LRP1B: variants seen among roughly 807,000 people sequenced by gnomAD.
LRP1B encodes the protein LDL receptor related protein 1B.
In LRP1B, 217 loss-of-function variants were observed where a neutral mutation model predicts 556.6. The ratio of observed to expected loss-of-function variants is 0.39; its 90% CI spans 0.35 to 0.44. The LOEUF (loss-of-function observed/expected upper bound fraction) is 0.44. Among genes scored for constraint, LRP1B ranks in the 20% least tolerant of loss-of-function variants. LRP1B has a pLI of 1.00. For synonymous variants in LRP1B, 2,047 were observed against 1,865.8 expected (o/e 1.10, Z -2.50); for missense variants, 5,053 against 5,620.8 (o/e 0.90, Z 3.23).
chr2:141,975,833 C>T lies in LRP1B; in HGVS notation c.82+154815G>A, dbSNP rs139550041. 2.7e-3 allele frequency among the ~76,000 whole-genome samples: 406 copies of T among 152,136 alleles called. 5 individuals are homozygous for T. Among genetic ancestry groups the T allele is most frequent in the Middle Eastern group, 0.014 (4 of 294 alleles). Reference sequence around the variant, plus strand: ...TGCTAAGTCCTTAGTCCAGGGAAACCGTAAAGTTTCTGTAGGTCAATGTTT... The same window carrying T: ...TGCTAAGTCCTTAGTCCAGGGAAACTGTAAAGTTTCTGTAGGTCAATGTTT... On this transcript the variant is annotated intron_variant, in intron 1 of 90. Coordinates refer to ENST00000389484, the MANE Select transcript of LRP1B (RefSeq NM_018557.3).
intron 82 of LRP1B, among the ~76,000 whole-genome samples, chr2:140,315,861 C>T (rs996980076): frequency 3.3e-5 from 5 of 152,032 alleles, no homozygotes; most frequent in Admixed American, 1.3e-4. Context: ...TCCTTATTAA[C>T]CATATATAAA....
intron 6 of LRP1B, among the ~76,000 whole-genome samples, chr2:141,199,224 C>A (rs1055211063): frequency 2.0e-5 from 3 of 152,142 alleles, no homozygotes; most frequent in Admixed American, 2.0e-4. Flanking sequence ...TCATCAATAT[C>A]TTTACCAACA....
chr2:140,600,935 C>T (rs1682641405), intron 42 of LRP1B, among the ~76,000 whole-genome samples: 1 of 151,000 alleles, frequency 6.6e-6, no homozygotes, highest in Non-Finnish European at 1.5e-5. Flanking sequence ...TACAATATAT[C>T]ATCAAACAGC....
intron 35 of LRP1B, among the ~76,000 whole-genome samples, chr2:140,750,072 GCACACGTACA>G (rs1249409515): frequency 7.3e-5 from 9 of 123,160 alleles, no homozygotes; most frequent in African/African-American, 1.7e-4. Flanking sequence ...TATATACTGT[GCACACGTACA>G]CACACACACA....
intron 2 of LRP1B, among the ~76,000 whole-genome samples, chr2:141,566,837 C>T (rs1686349440): frequency 6.6e-6 from 1 of 151,944 alleles, no homozygotes; most frequent in Admixed American, 6.6e-5. Flanking sequence ...CCAGCTTGGA[C>T]AAGAGACTGA....
chr2:141,337,839 T>C lies in LRP1B; in HGVS notation c.344-83198A>G, dbSNP rs781335980. On this transcript the variant is annotated intron_variant, in intron 3 of 90. Transcript: ENST00000389484. The stretch of plus-strand genomic sequence containing the variant: ...ATTGCTAAATATTTTTGAAAAACCA[T>C]CTAAAGTCTTTGACAAATAATGACA... Among the ~76,000 whole-genome samples, 69 of 152,200 alleles carry C rather than the reference T, an allele frequency of 4.5e-4. 1 individual carries two copies. Among genetic ancestry groups the C allele is most frequent in the Admixed American group, 5.2e-4 (8 of 15,282 alleles).
chr2:141,172,039 C>T (rs1001160581), intron 7 of LRP1B, among the ~76,000 whole-genome samples: 2 of 152,108 alleles, frequency 1.3e-5, no homozygotes, highest in African/African-American at 4.8e-5. Flanking sequence ...TTCATTGACT[C>T]TACTACTCCA....
intron 2 of LRP1B, among the ~76,000 whole-genome samples, chr2:141,754,053 T>C (rs953318577): frequency 2.0e-5 from 3 of 152,218 alleles, no homozygotes; most frequent in African/African-American, 7.2e-5. Context: ...CCCTGTACTA[T>C]TGAAAACATA....
chr2:141,201,331 T>C (rs1682006488), intron 6 of LRP1B, among the ~76,000 whole-genome samples: 1 of 152,188 alleles, frequency 6.6e-6, no homozygotes, highest in Non-Finnish European at 1.5e-5. Context: ...CACATCTTTT[T>C]ACAGCCTTGC....
intron 3 of LRP1B, among the ~76,000 whole-genome samples, chr2:141,404,893 T>G (rs1690577687): frequency 1.3e-5 from 2 of 152,112 alleles, no homozygotes; most frequent in Admixed American, 1.3e-4. Flanking sequence ...ATATGTTTTT[T>G]TTTTTTACCA....
At chr2:140,250,383 A>C (rs1041580207) in intron 86 of LRP1B, among the ~76,000 whole-genome samples, 1 of 151,866 alleles carries the variant, frequency 6.6e-6, no homozygotes, top group Non-Finnish European at 1.5e-5. Context: ...AGGTAGGTAG[A>C]TAAACAGATA....
chr2:141,806,373 T>C (rs561948786), intron 2 of LRP1B, among the ~76,000 whole-genome samples: 3 of 152,180 alleles, frequency 2.0e-5, no homozygotes, highest in South Asian at 4.1e-4. Context: ...CATTGCCTCA[T>C]AGAGCCTAAA....
At chr2:141,513,490 C>T (rs1307631754) in intron 2 of LRP1B, among the ~76,000 whole-genome samples, 1 of 151,982 alleles carries the variant, frequency 6.6e-6, no homozygotes, top group East Asian at 1.9e-4. Flanking sequence ...ATTCTATTGA[C>T]TTTTAGATGT....
intron 3 of LRP1B, among the ~76,000 whole-genome samples, chr2:141,291,044 T>A (rs1232147634): frequency 2.0e-5 from 3 of 152,188 alleles, no homozygotes; most frequent in Non-Finnish European, 2.9e-5. Context: ...GTAAAAAAAA[T>A]TTCTTCAAAA....
chr2:141,907,108 T>A (rs1699779643), intron 1 of LRP1B, among the ~76,000 whole-genome samples: 1 of 152,058 alleles, frequency 6.6e-6, no homozygotes, highest in Middle Eastern at 3.2e-3. Context: ...GGCATAAAAC[T>A]TGGGATATGA....
chr2:140,950,174 CTAAG>C (rs1695671173), intron 20 of LRP1B, 57 bp downstream of exon 20: 2 of 1,219,158 alleles, frequency 1.6e-6, no homozygotes, highest in African/African-American at 1.6e-5. Context: ...CTGTAATACC[CTAAG>C]TATTATTATG....
At chr2:140,259,386 G>A (rs1681832241) in intron 86 of LRP1B, among the ~76,000 whole-genome samples, 1 of 152,030 alleles carries the variant, frequency 6.6e-6, no homozygotes, top group Non-Finnish European at 1.5e-5. Context: ...TTGACTTACA[G>A]ATATTTAGTG....
At position 140,950,552 on chromosome 2, in the gene LRP1B, C is replaced by T. The variant is rs555185884; in HGVS notation, c.2969-150G>A. 1.3e-4 allele frequency: 70 copies of T among 525,224 alleles called. No individual in the cohort carries two copies. In the South Asian group the frequency reaches 2.0e-3, roughly 15 times the overall value. The allele number at this position is 525,224 out of a possible 1,614,324, so 32.5% of individuals were successfully genotyped here. A position where few individuals can be genotyped will look rare whatever the true frequency, so the allele number is the denominator to read the frequency against. ...AACCTGTAGTGCAGTGGCACTATCT[C>T]GGCTCACTGCAACTTTCACCTCCTG... is the stretch of plus-strand genomic sequence containing the variant. On this transcript the variant is annotated intron_variant, in intron 19 of 90. Transcript: ENST00000389484.
At chr2:141,451,569 A>G (rs924635994) in intron 3 of LRP1B, among the ~76,000 whole-genome samples, 2 of 152,178 alleles carry the variant, frequency 1.3e-5, no homozygotes, top group African/African-American at 2.4e-5. Flanking sequence ...ATTCACCTAT[A>G]TAATTGTACC....
Sources: gnomAD v4.1 joint callset for allele counts (sites outside exome capture counted in the v4.1 genomes callset) on GRCh38, gnomAD v4.1.1 for gene constraint, MANE v1.5 for transcripts, NCBI Gene and HGNC (gene_info 2026-07-23, HGNC 2026-07-21) for gene names.